The following RBFOX1 variants were observed in gnomAD, a reference collection of about 807,000 sequenced individuals.
The protein encoded by RBFOX1 is RNA binding protein fox-1 homolog 1.
RBFOX1 carries 8 observed loss-of-function variants against 57.7 expected under a neutral mutation model. That is an observed-to-expected ratio of 0.14 (90% CI 0.08 to 0.25). RBFOX1 has a LOEUF of 0.25. Among genes scored for constraint, RBFOX1 ranks in the 10% least tolerant of loss-of-function variants. The pLI is 1.00. For missense variants in RBFOX1, 611 were observed against 548.5 expected (o/e 1.11, Z -1.14); for synonymous variants, 326 against 222.4 (o/e 1.47, Z -4.15).
rs541843444 is a variant in RBFOX1, at chr16:6,417,776, G to GT, written c.-64+100732dup. On this transcript the variant is annotated intron_variant, in intron 2 of 15. Coordinates refer to ENST00000550418, the MANE Select transcript of RBFOX1 (RefSeq NM_018723.4). ...TTGCATAAGTAAGCTTGTGTCATAG[G>GT]TTTTTTTTTTTTTACAGATTATTTC... Among the ~76,000 whole-genome samples, 378 of 86,810 alleles carry GT rather than the reference G, an allele frequency of 4.4e-3. 3 individuals carry two copies. Among genetic ancestry groups the GT allele is most frequent in the African/African-American group, 0.014 (226 of 16,386 alleles). 57.0% of individuals were successfully genotyped at this position (86,810 alleles called of 152,430 possible). A position where few individuals can be genotyped will look rare whatever the true frequency, so the allele number is the denominator to read the frequency against.
At chr16:6,492,353 A>G (rs2095652326) in intron 2 of RBFOX1, among the ~76,000 whole-genome samples, 3 of 152,174 alleles carry the variant, frequency 2.0e-5, no homozygotes, top group Admixed American at 2.0e-4. Flanking sequence ...GAGGATCATG[A>G]GGTCAGGAGT....
chr16:5,443,185 C>T (rs986945248), intron 1 of RBFOX1, among the ~76,000 whole-genome samples: 13 of 152,236 alleles, frequency 8.5e-5, no homozygotes, highest in Admixed American at 2.6e-4. Context: ...TAACTTGTTG[C>T]AGTAGTCCCA....
At chr16:7,622,092 G>A (rs545001710) in intron 10 of RBFOX1, among the ~76,000 whole-genome samples, 5 of 152,276 alleles carry the variant, frequency 3.3e-5, no homozygotes, top group African/African-American at 7.2e-5. Flanking sequence ...GGGCTCGGGG[G>A]AGGGGAGCAG....
rs141521765 is a variant in RBFOX1, at chr16:7,212,177, C to G, written c.27+160079C>G. 4.6e-5 allele frequency among the ~76,000 whole-genome samples: 7 copies of G among 152,246 alleles called. No individual in the cohort carries two copies. In the East Asian group the frequency reaches 1.4e-3, roughly 29 times the overall value. On this transcript the variant is annotated intron_variant, in intron 4 of 15. Coordinates refer to ENST00000550418, the MANE Select transcript of RBFOX1 (RefSeq NM_018723.4). The stretch of plus-strand genomic sequence containing the variant: ...GCAGATCCGGGAGGACTGCTTGGGG[C>G]AGACTGTTTGAGTGACATAGGTCTT...
chr16:6,906,607 G>A (rs1236012201), intron 3 of RBFOX1, among the ~76,000 whole-genome samples: 1 of 152,108 alleles, frequency 6.6e-6, no homozygotes, highest in Non-Finnish European at 1.5e-5. Context: ...AGTAAATCCT[G>A]ATAGGTTTGG....
At chr16:6,753,077 A>AT (rs1423203844) in intron 3 of RBFOX1, among the ~76,000 whole-genome samples, 1 of 89,232 alleles carries the variant, frequency 1.1e-5, no homozygotes. Flanking sequence ...AAGTAATGGC[A>AT]TAAAAAAATA....
rs573596305 is a variant in RBFOX1, at chr16:6,848,404, A to ATG, written c.-16+193755_-16+193756dup. Among the ~76,000 whole-genome samples the ATG allele has an allele frequency of 2.5e-4, 38 of 152,270 alleles. 1 individual carries two copies. The highest frequency in any genetic ancestry group is 1.8e-3 in the Admixed American group (28 of 15,288). On this transcript the variant is annotated intron_variant, in intron 3 of 15. Transcript: ENST00000550418. ...GTCACTAATACAAAGTTTTATGAAA[A>ATG]TGCTTTGCATGCCAAACAAACACTT...
At chr16:5,771,464 A>G (rs895226710) in intron 3 of RBFOX1, among the ~76,000 whole-genome samples, 2 of 152,216 alleles carry the variant, frequency 1.3e-5, no homozygotes, top group African/African-American at 2.4e-5. Context: ...GCTGGAGTGC[A>G]GTAGAATGAT....
chr16:7,123,362 ATTAT>A (rs1305669077), intron 4 of RBFOX1, among the ~76,000 whole-genome samples: 2 of 151,980 alleles, frequency 1.3e-5, no homozygotes, highest in African/African-American at 4.8e-5. Flanking sequence ...CATTGTTATT[ATTAT>A]TTATTTATTA....
At chr16:5,763,155 G>A (rs1396388172) in intron 3 of RBFOX1, among the ~76,000 whole-genome samples, 3 of 152,166 alleles carry the variant, frequency 2.0e-5, no homozygotes, top group Admixed American at 6.5e-5. Flanking sequence ...GGGGCATCTG[G>A]CTGGATTAGA....
chr16:6,749,163 T>C (rs937963814), intron 3 of RBFOX1, among the ~76,000 whole-genome samples: 1 of 152,190 alleles, frequency 6.6e-6, no homozygotes, highest in African/African-American at 2.4e-5. Flanking sequence ...GAAAAAGTTA[T>C]GGTCTCAGGC....
chr16:6,845,596 C>T (rs765308801), intron 3 of RBFOX1, among the ~76,000 whole-genome samples: 1 of 152,036 alleles, frequency 6.6e-6, no homozygotes, highest in Non-Finnish European at 1.5e-5. Context: ...TGTAGGTAAT[C>T]TTCTTAAATC....
intron 4 of RBFOX1, among the ~76,000 whole-genome samples, chr16:7,369,973 C>A (rs184388630): frequency 6.6e-6 from 1 of 152,140 alleles, no homozygotes; most frequent in African/African-American, 2.4e-5. Context: ...TGTGTCAGAG[C>A]CTTGAGCTAG....
chr16:7,112,350 A>G (rs1252373430), intron 4 of RBFOX1, among the ~76,000 whole-genome samples: 2 of 149,742 alleles, frequency 1.3e-5, no homozygotes, highest in Non-Finnish European at 3.0e-5. Context: ...CTACAGGCAC[A>G]TGCCACCACA....
chr16:6,413,284 A>G (rs376002329), intron 2 of RBFOX1, among the ~76,000 whole-genome samples: 1 of 146,444 alleles, frequency 6.8e-6, no homozygotes, highest in African/African-American at 2.6e-5. Flanking sequence ...GTGCCATTGC[A>G]CTCCAGCCTG....
intron 2 of RBFOX1, among the ~76,000 whole-genome samples, chr16:6,502,243 C>G (rs938921610): frequency 6.6e-6 from 1 of 152,120 alleles, no homozygotes; most frequent in African/African-American, 2.4e-5. Flanking sequence ...GGATCTAGAT[C>G]GGCTACAATA....
intron 1 of RBFOX1, among the ~76,000 whole-genome samples, chr16:6,263,152 G>A (rs916229516): frequency 2.0e-5 from 3 of 152,148 alleles, no homozygotes; most frequent in Admixed American, 6.5e-5. Flanking sequence ...ATGAGAAAGA[G>A]ATGCCTTATA....
At chr16:7,200,269 G>A (rs7187287) in intron 4 of RBFOX1, among the ~76,000 whole-genome samples, 95,560 of 152,048 alleles carry the variant, frequency 0.63, 31,321 homozygotes, top group African/African-American at 0.82. Context: ...TTTAAAGCAG[G>A]TAGGTTTTCC....
rs559528588 is a variant in RBFOX1, at chr16:6,042,536, G to T, written c.-127+22544G>T. ...ACTTAATTTACACATTTAATTTACA[G>T]ATATTTACAGGTTTTTGGGAATAGG... On this transcript the variant is annotated intron_variant, in intron 1 of 15. Transcript: ENST00000550418. Among the ~76,000 whole-genome samples, 9 of 152,252 alleles carry T rather than the reference G, an allele frequency of 5.9e-5. No individual in the cohort carries two copies. The East Asian group carries it at 1.7e-3, about 29-fold the overall frequency.
Sources: gnomAD v4.1 joint callset for allele counts (sites outside exome capture counted in the v4.1 genomes callset) on GRCh38, gnomAD v4.1.1 for gene constraint, MANE v1.5 for transcripts, NCBI Gene and HGNC (gene_info 2026-07-23, HGNC 2026-07-21) for gene names.